The following GLIS1 variants were observed in gnomAD, a reference collection of about 807,000 sequenced individuals.
The protein encoded by GLIS1 is GLIS family zinc finger 1, also known as zinc finger protein GLIS1.
In GLIS1, 24 loss-of-function variants were observed where a neutral mutation model predicts 63.8. That is an observed-to-expected ratio of 0.38 (90% CI 0.27 to 0.53). The LOEUF (loss-of-function observed/expected upper bound fraction) is 0.53. Ranked by LOEUF, GLIS1 falls within the 20% of genes least tolerant of loss-of-function variation. GLIS1 has a pLI of 0.85. For synonymous variants in GLIS1, 450 were observed against 482.5 expected (o/e 0.93, Z 0.88); for missense variants, 1,036 against 1,074.1 (o/e 0.96, Z 0.50).
chr1:53,541,052 G>T (rs507601), intron 4 of GLIS1, among the ~76,000 whole-genome samples: 82 of 152,298 alleles, frequency 5.4e-4, no homozygotes, highest in African/African-American at 1.8e-3. Flanking sequence ...GAAGAGTGTG[G>T]GGGTGGGAGC....
intron 2 of GLIS1, among the ~76,000 whole-genome samples, chr1:53,657,115 G>A (rs761196964): frequency 6.6e-5 from 10 of 152,206 alleles, no homozygotes; most frequent in Non-Finnish European, 1.2e-4. Flanking sequence ...CTAATGCACC[G>A]GGGGCCTTTT....
chr1:53,517,560 C>A (rs1301333493), intron 7 of GLIS1, among the ~76,000 whole-genome samples: 1 of 152,104 alleles, frequency 6.6e-6, no homozygotes, highest in Non-Finnish European at 1.5e-5. Flanking sequence ...CCACGCTGAC[C>A]TCATGCTTCT....
rs1264839022 is a variant in GLIS1 at position 53,592,661 on chromosome 1, A to G, written c.1320+1447T>C. On this transcript the variant is annotated intron_variant, in intron 4 of 10. Coordinates refer to ENST00000628545, the MANE Select transcript of GLIS1 (RefSeq NM_001367484.1). ...CCCAGCCACCAGGCCTCCTTCCAGC[A>G]TCCTCTCAGCCCAAAGGCACAAGAT... Among the ~76,000 whole-genome samples, 4 of 152,180 alleles carry G rather than the reference A, an allele frequency of 2.6e-5. No homozygotes were observed. The East Asian group carries it at 7.7e-4, about 29-fold the overall frequency.
At chr1:53,590,784 A>G (rs1373736618) in intron 4 of GLIS1, among the ~76,000 whole-genome samples, 1 of 135,120 alleles carries the variant, frequency 7.4e-6, no homozygotes, top group Non-Finnish European at 1.6e-5. Flanking sequence ...TGGGCCGTGC[A>G]GAGGGCAGGG....
chr1:53,728,315 G>C (rs1048769990), intron 2 of GLIS1, among the ~76,000 whole-genome samples: 4 of 152,170 alleles, frequency 2.6e-5, no homozygotes, highest in Non-Finnish European at 4.4e-5. Flanking sequence ...CATTTACATG[G>C]TAGTCCTAAC....
intron 2 of GLIS1, among the ~76,000 whole-genome samples, chr1:53,703,639 TAAAAAAAAA>T (rs59555116): frequency 1.4e-5 from 1 of 71,682 alleles, no homozygotes; most frequent in Non-Finnish European, 2.8e-5. Context: ...ACCCTGTCTC[TAAAAAAAAA>T]AAAAAAAAAA....
intron 2 of GLIS1, among the ~76,000 whole-genome samples, chr1:53,686,576 T>G (rs543782314): frequency 1.9e-4 from 29 of 151,820 alleles, no homozygotes; most frequent in Middle Eastern, 3.2e-3. Context: ...TCACAGACTG[T>G]GGGGGGAGGC....
intron 4 of GLIS1, among the ~76,000 whole-genome samples, chr1:53,551,372 T>TCTGCACC (rs1469968066): frequency 6.6e-6 from 1 of 152,204 alleles, no homozygotes; most frequent in Non-Finnish European, 1.5e-5. Context: ...TGGTGGCCCA[T>TCTGCACC]CTGCACCCTG....
rs184275265 is a variant in GLIS1, at chr1:53,526,131, G to A, written c.1483-1244C>T. On this transcript the variant is annotated intron_variant, in intron 5 of 10. Coordinates refer to ENST00000628545, the MANE Select transcript of GLIS1 (RefSeq NM_001367484.1). This position sits in a 1 kb window ranked among gnomAD's most constrained non-coding sequence, Gnocchi z 4.4. ...CCTCTGCCCTGCTGGGACTGCAGGG[G>A]ACAGGAGAAGGATTGGAGGAAATGA... is the stretch of plus-strand genomic sequence containing the variant. Among the ~76,000 whole-genome samples, 4 of 152,268 alleles carry A rather than the reference G, an allele frequency of 2.6e-5. No homozygotes were observed. The highest frequency in any genetic ancestry group is 9.6e-5 in the African/African-American group (4 of 41,542).
intron 4 of GLIS1, among the ~76,000 whole-genome samples, chr1:53,530,532 T>A (rs1337577362): frequency 2.6e-5 from 4 of 152,194 alleles, no homozygotes; most frequent in Non-Finnish European, 5.9e-5. Flanking sequence ...TGCTAACTGC[T>A]GTCAAAACAA....
chr1:53,664,823 G>A (rs1223214680), intron 2 of GLIS1, among the ~76,000 whole-genome samples: 1 of 152,204 alleles, frequency 6.6e-6, no homozygotes, highest in Non-Finnish European at 1.5e-5. Context: ...CTGAAGGAGC[G>A]AGGGAGCATG....
intron 4 of GLIS1, among the ~76,000 whole-genome samples, chr1:53,556,568 GTGTGTGTATGCAGGTGTACTGTAGGTT>G (rs1644832027): frequency 2.8e-5 from 1 of 35,208 alleles, no homozygotes. Flanking sequence ...TACTGCAGGG[GTGTGTGTATGCAGGTGTACTGTAGGTT>G]TGTGTGTGTG....
intron 2 of GLIS1, among the ~76,000 whole-genome samples, chr1:53,688,500 G>A (rs530061456): frequency 5.3e-5 from 8 of 152,254 alleles, no homozygotes; most frequent in Non-Finnish European, 8.8e-5. Context: ...TTAGTGCCCG[G>A]GCCAAATGCC....
chr1:53,618,042 G>A (rs2100589314), intron 2 of GLIS1, among the ~76,000 whole-genome samples: 1 of 152,378 alleles, frequency 6.6e-6, no homozygotes, highest in East Asian at 1.9e-4. Flanking sequence ...AGGCAGTCCA[G>A]GCCCTGTGCT....
intron 4 of GLIS1, among the ~76,000 whole-genome samples, chr1:53,556,396 G>GTT (rs1644827161): frequency 1.3e-5 from 2 of 148,984 alleles, no homozygotes; most frequent in Admixed American, 6.7e-5. Context: ...GCAGGTGTGT[G>GTT]TGTGTGTGCA....
intron 2 of GLIS1, among the ~76,000 whole-genome samples, chr1:53,734,416 C>A (rs1646893434): frequency 1.3e-5 from 2 of 152,192 alleles, no homozygotes; most frequent in Admixed American, 1.3e-4. Flanking sequence ...GTTCAGAAGG[C>A]CTTCGTGTGA....
chr1:53,569,486 T>TAA (rs36037749), intron 4 of GLIS1, among the ~76,000 whole-genome samples: 140 of 151,606 alleles, frequency 9.2e-4, no homozygotes, highest in Admixed American at 1.3e-3. Context: ...TTTTTTTTTT[T>TAA]AAAAAAGCCT....
chr1:53,645,713 G>A (rs1645837949), intron 2 of GLIS1, among the ~76,000 whole-genome samples: 2 of 152,208 alleles, frequency 1.3e-5, no homozygotes, highest in African/African-American at 4.8e-5. Flanking sequence ...CAAGTAATAA[G>A]TGTTTTCATC....
At chr1:53,648,397 C>G (rs1473248343) in intron 2 of GLIS1, among the ~76,000 whole-genome samples, 1 of 152,194 alleles carries the variant, frequency 6.6e-6, no homozygotes, top group Non-Finnish European at 1.5e-5. Flanking sequence ...CTCTGCTACT[C>G]TGCCAGCGGG....
Sources: allele counts gnomAD v4.1 joint callset (sites outside exome capture counted in the v4.1 genomes callset), GRCh38; gene constraint gnomAD v4.1.1; non-coding constraint Gnocchi (gnomAD v3.1); transcripts MANE v1.5; gene names NCBI Gene and HGNC (gene_info 2026-07-23, HGNC 2026-07-21).